The following OSBPL10 variants were observed in gnomAD, a reference collection of about 807,000 sequenced individuals.
OSBPL10 encodes oxysterol binding protein like 10, also known as oxysterol-binding protein-related protein 10.
Under a neutral mutation model 81.7 loss-of-function variants are expected in OSBPL10, and 49 were observed. The observed-to-expected ratio is 0.60, with a 90% CI of 0.48 to 0.76. The LOEUF (loss-of-function observed/expected upper bound fraction) is 0.76. Ranked by LOEUF, OSBPL10 falls within the 30% of genes least tolerant of loss-of-function variation. The pLI is 0.00. For synonymous variants in OSBPL10, 419 were observed against 383.6 expected, an observed-to-expected ratio of 1.09 and a Z score of -1.08; for missense variants, 923 against 987.8, an observed-to-expected ratio of 0.93 and a Z score of 0.88.
At chr3:31,893,125 C>A (rs551644168) in intron 1 of OSBPL10, among the ~76,000 whole-genome samples, 2 of 152,296 alleles carry the variant, frequency 1.3e-5, no homozygotes, top group East Asian at 3.9e-4. Flanking sequence ...GAGTCAAAGC[C>A]TTTCTGGCTA....
intron 4 of OSBPL10, among the ~76,000 whole-genome samples, chr3:31,767,167 T>C (rs1032419476): frequency 1.3e-5 from 2 of 152,222 alleles, no homozygotes; most frequent in African/African-American, 4.8e-5. Flanking sequence ...AGCTCTGGAT[T>C]TTGCTACAAT....
chr3:32,072,056 C>T (rs931901525), intron 1 of OSBPL10, among the ~76,000 whole-genome samples: 5 of 152,142 alleles, frequency 3.3e-5, no homozygotes, highest in Admixed American at 6.5e-5. Flanking sequence ...CTCAGCAAGC[C>T]GAACTCATTG....
intron 1 of OSBPL10, among the ~76,000 whole-genome samples, chr3:31,932,982 A>C (rs1029011067): frequency 7.9e-5 from 12 of 152,222 alleles, no homozygotes; most frequent in Non-Finnish European, 1.6e-4. Context: ...CAATAAACTC[A>C]AATTTATTTA....
chr3:31,986,671 A>G (rs1698938318), intron 2 of OSBPL10, among the ~76,000 whole-genome samples: 1 of 152,170 alleles, frequency 6.6e-6, no homozygotes, highest in Non-Finnish European at 1.5e-5. Context: ...TTATTATTTT[A>G]TTAAATAGAT....
chr3:31,865,083 G>A (rs1701144169), intron 3 of OSBPL10, among the ~76,000 whole-genome samples: 1 of 152,162 alleles, frequency 6.6e-6, no homozygotes, highest in Non-Finnish European at 1.5e-5. Flanking sequence ...AAGAAGGGAG[G>A]GAGGGACAGA....
chr3:31,861,330 A>G (rs186458523), intron 3 of OSBPL10, among the ~76,000 whole-genome samples: 3 of 152,294 alleles, frequency 2.0e-5, no homozygotes, highest in Admixed American at 2.0e-4. Context: ...CATATAACCT[A>G]TGCATATATA....
intron 4 of OSBPL10, among the ~76,000 whole-genome samples, chr3:31,821,590 TTTTTTGAAAACCGA>T (rs1699983626): frequency 6.6e-6 from 1 of 152,204 alleles, no homozygotes; most frequent in African/African-American, 2.4e-5. Context: ...CACATTAACA[TTTTTTGAAAACCGA>T]TGTTTGAAAC....
intron 3 of OSBPL10, among the ~76,000 whole-genome samples, chr3:31,840,630 T>C (rs746194685): frequency 4.6e-5 from 7 of 152,240 alleles, no homozygotes; most frequent in African/African-American, 1.4e-4. Context: ...CCTACAGTGA[T>C]AGCCACAGGA....
intron 4 of OSBPL10, among the ~76,000 whole-genome samples, chr3:31,787,347 G>C (rs1014487479): frequency 5.3e-5 from 8 of 152,036 alleles, no homozygotes; most frequent in Admixed American, 1.3e-4. Flanking sequence ...GCCTGTAATC[G>C]CAGCAGGGAG....
At chr3:31,830,324 C>A in intron 3 of OSBPL10, 93 bp from the exon 4 acceptor site, 1 of 1,286,902 alleles carries the variant, frequency 7.8e-7, no homozygotes, top group Non-Finnish European at 1.1e-6. Context: ...CTTCATCTTT[C>A]CCCTTCCTCT....
At chr3:31,993,681 TAC>T (rs139678560) in intron 2 of OSBPL10, among the ~76,000 whole-genome samples, 185 of 146,768 alleles carry the variant, frequency 1.3e-3, no homozygotes, top group East Asian at 3.2e-3. Flanking sequence ...TACACACACA[TAC>T]ACACACACAC....
At chr3:31,885,082 G>A (rs1695696053) in intron 1 of OSBPL10, among the ~76,000 whole-genome samples, 1 of 152,128 alleles carries the variant, frequency 6.6e-6, no homozygotes, top group Non-Finnish European at 1.5e-5. Context: ...TTCCTGGGAA[G>A]GGCTGAGGAC....
chr3:32,004,627 T>A (rs1699185337), intron 2 of OSBPL10, among the ~76,000 whole-genome samples: 2 of 152,192 alleles, frequency 1.3e-5, no homozygotes, highest in African/African-American at 4.8e-5. Flanking sequence ...TATAAACTGG[T>A]TTCCAAAAAT....
intron 4 of OSBPL10, among the ~76,000 whole-genome samples, chr3:31,750,875 G>A (rs565978942): frequency 1.3e-5 from 2 of 152,128 alleles, no homozygotes; most frequent in East Asian, 3.9e-4. Context: ...ATACAGTATA[G>A]GATAATTATT....
intron 3 of OSBPL10, among the ~76,000 whole-genome samples, chr3:31,844,721 A>G (rs2125562043): frequency 6.6e-6 from 1 of 152,338 alleles, no homozygotes; most frequent in East Asian, 1.9e-4. Flanking sequence ...ACTACATAGA[A>G]GTGGTGGCTA....
chr3:32,054,910 C>T (rs1367052503), intron 1 of OSBPL10, among the ~76,000 whole-genome samples: 1 of 152,136 alleles, frequency 6.6e-6, no homozygotes, highest in Non-Finnish European at 1.5e-5. Flanking sequence ...TGATCCTCTA[C>T]ATAAGGTGGT....
chr3:31,939,970 C>T (rs1220556839), intron 1 of OSBPL10, among the ~76,000 whole-genome samples: 1 of 152,180 alleles, frequency 6.6e-6, no homozygotes, highest in Non-Finnish European at 1.5e-5. Flanking sequence ...ATCCTCCTAC[C>T]TCGGCCTCCC....
intron 3 of OSBPL10, among the ~76,000 whole-genome samples, chr3:31,848,391 G>A (rs918391861): frequency 8.6e-5 from 13 of 151,850 alleles, no homozygotes; most frequent in Admixed American, 7.2e-4. Flanking sequence ...AGGTCACGGT[G>A]GAAAATGTTT....
In OSBPL10 at chr3:31,797,011, TTTG is replaced by T. The variant is rs1358106240; in HGVS notation, c.729+33026_729+33028del. ...TTTATTAATTTTTTTTTTTTTTTTT[TTTG>T]AGACAGAGGCTTGCTCTGTTGCCAG... On this transcript the variant is annotated intron_variant, in intron 4 of 11. Transcript: ENST00000396556. Among the ~76,000 whole-genome samples the T allele has an allele frequency of 1.2e-3, 174 of 144,816 alleles. 1 individual carries two copies. Among genetic ancestry groups the T allele is most frequent in the African/African-American group, 4.6e-3 (169 of 36,402 alleles).
Sources: gnomAD v4.1 joint callset for allele counts (sites outside exome capture counted in the v4.1 genomes callset) on GRCh38, gnomAD v4.1.1 for gene constraint, MANE v1.5 for transcripts, NCBI Gene and HGNC (gene_info 2026-07-23, HGNC 2026-07-21) for gene names.